AUH: variants seen among roughly 807,000 people sequenced by gnomAD.
The protein encoded by AUH is methylglutaconyl-CoA hydratase, mitochondrial.
A neutral mutation model predicts 42.3 loss-of-function variants in AUH; 29 were observed. The ratio of observed to expected loss-of-function variants is 0.69; its 90% confidence interval spans 0.51 to 0.93. AUH has a LOEUF of 0.93. AUH is among the 40% of genes least tolerant of loss of function. The pLI is 0.00. For missense variants in AUH, 452 were observed against 438.1 expected (o/e 1.03, Z -0.28); for synonymous variants, 174 against 166.4 (o/e 1.05, Z -0.35).
intron 6 of AUH, among the ~76,000 whole-genome samples, chr9:91,257,747 C>G (rs535566629): frequency 5.3e-5 from 8 of 152,284 alleles, no homozygotes; most frequent in African/African-American, 1.9e-4. Flanking sequence ...CAACTTTGCT[C>G]TTTGCATTTC....
intron 8 of AUH, 81 bp from the exon 9 acceptor site, chr9:91,216,187 A>G (rs752692421): frequency 2.2e-6 from 3 of 1,343,738 alleles, no homozygotes; most frequent in Non-Finnish European, 3.2e-6. Context: ...AAATTGAATA[A>G]CCTTATCCCC....
chr9:91,333,845 T>G lies in AUH; in HGVS notation c.419-8441A>C, dbSNP rs553857464. Among the ~76,000 whole-genome samples the G allele has an allele frequency of 1.1e-4, 16 of 152,356 alleles. No homozygotes were observed. The East Asian group carries it at 2.9e-3, about 28-fold the overall frequency. On this transcript the variant is annotated intron_variant, in intron 3 of 9. Transcript: ENST00000375731. ...AGAATAAGAATCTCAGCTGAAATTC[T>G]CAACATTAATATTTTAAAGGCCTCT...
chr9:91,235,513 A>T (rs1828127909), intron 6 of AUH, among the ~76,000 whole-genome samples: 1 of 152,200 alleles, frequency 6.6e-6, no homozygotes, highest in Non-Finnish European at 1.5e-5. Flanking sequence ...TGGAGCAGTC[A>T]TGTGTGAGAC....
At chr9:91,345,156 G>A (rs1156805407) in intron 3 of AUH, among the ~76,000 whole-genome samples, 1 of 151,802 alleles carries the variant, frequency 6.6e-6, no homozygotes, top group Non-Finnish European at 1.5e-5. Flanking sequence ...AGACAAAGAC[G>A]AACACTCACA....
At chr9:91,306,706 T>G in intron 4 of AUH, among the ~76,000 whole-genome samples, 1 of 152,228 alleles carries the variant, frequency 6.6e-6, no homozygotes, top group East Asian at 1.9e-4. Context: ...TGAGGAGCTC[T>G]GGATACTTAA....
rs140061474 is a variant in AUH, at chr9:91,355,764, G to C, written c.418+119C>G. Reference sequence around the variant, plus strand: ...TTTTCTTGTGAATCAGTAAAACACAGACAAAGAGGAGTTGTTGGTAATGGG... The same window carrying C: ...TTTTCTTGTGAATCAGTAAAACACACACAAAGAGGAGTTGTTGGTAATGGG... On this transcript the variant is annotated intron_variant, in intron 3 of 9. Coordinates refer to ENST00000375731, the MANE Select transcript of AUH (RefSeq NM_001698.3). 1.8e-4 allele frequency: 158 copies of C among 854,264 alleles called. 1 individual carries two copies. The East Asian group carries it at 3.9e-3, about 21-fold the overall frequency. 52.9% of individuals were successfully genotyped at this position (854,264 alleles called of 1,614,324 possible).
chr9:91,353,091 T>C (rs1587923751), intron 3 of AUH, among the ~76,000 whole-genome samples: 1 of 151,794 alleles, frequency 6.6e-6, no homozygotes, highest in Admixed American at 6.6e-5. Context: ...GTTTTTGAGG[T>C]TTCTTTTTTT....
chr9:91,335,010 G>C (rs77072495), intron 3 of AUH, among the ~76,000 whole-genome samples: 95 of 152,278 alleles, frequency 6.2e-4, no homozygotes, highest in African/African-American at 2.1e-3. Flanking sequence ...TCTCCAACTA[G>C]GACCAGGAAA....
chr9:91,225,545 TTTATTA>T (rs530836913), intron 6 of AUH, among the ~76,000 whole-genome samples: 3 of 151,582 alleles, frequency 2.0e-5, no homozygotes, highest in Admixed American at 6.6e-5. Context: ...GTTCTTTTTT[TTTATTA>T]TTATTATTAT....
At chr9:91,274,379 T>A (rs1825387211) in intron 6 of AUH, among the ~76,000 whole-genome samples, 2 of 152,208 alleles carry the variant, frequency 1.3e-5, no homozygotes, top group African/African-American at 4.8e-5. Flanking sequence ...AATGACCTCA[T>A]CAGCACTAGC....
chr9:91,270,632 C>A (rs1279364025), intron 6 of AUH, among the ~76,000 whole-genome samples: 1 of 151,984 alleles, frequency 6.6e-6, no homozygotes, highest in Non-Finnish European at 1.5e-5. Flanking sequence ...ACACCTTCTG[C>A]TTGTGCTGCA....
At chr9:91,228,915 G>T (rs1371915763) in intron 6 of AUH, among the ~76,000 whole-genome samples, 1 of 152,226 alleles carries the variant, frequency 6.6e-6, no homozygotes, top group Non-Finnish European at 1.5e-5. Flanking sequence ...TGTGGTCTGA[G>T]AGACAGTTTG....
At chr9:91,356,277 T>G in intron 1 of AUH, 122 bp from the exon 2 acceptor site, 2 of 790,964 alleles carry the variant, frequency 2.5e-6, no homozygotes, top group Non-Finnish European at 2.1e-6. Flanking sequence ...TGACATCACG[T>G]TCCCTTCAAT....
intron 6 of AUH, among the ~76,000 whole-genome samples, chr9:91,292,359 A>G: frequency 6.7e-6 from 1 of 148,252 alleles, no homozygotes; most frequent in African/African-American, 2.5e-5. Flanking sequence ...GCTCACTGCA[A>G]TTTCCACCAT....
chr9:91,322,868 CGCA>C (rs1352620205), intron 4 of AUH, among the ~76,000 whole-genome samples: 3 of 152,238 alleles, frequency 2.0e-5, no homozygotes, highest in South Asian at 4.2e-4. Flanking sequence ...GTATGGCCAC[CGCA>C]GCATTAGTAA....
At chr9:91,270,325 G>A (rs1825012717) in intron 6 of AUH, among the ~76,000 whole-genome samples, 1 of 152,146 alleles carries the variant, frequency 6.6e-6, no homozygotes, top group Non-Finnish European at 1.5e-5. Context: ...AAGAGCCCCA[G>A]GCTGCAGAAA....
intron 6 of AUH, among the ~76,000 whole-genome samples, chr9:91,234,377 A>G (rs1828059424): frequency 6.6e-6 from 1 of 152,190 alleles, no homozygotes; most frequent in Admixed American, 6.5e-5. Context: ...CAGACCTGCC[A>G]TGGTATAGAC....
chr9:91,288,659 A>G (rs1826611842), intron 6 of AUH, among the ~76,000 whole-genome samples: 1 of 152,308 alleles, frequency 6.6e-6, no homozygotes, highest in East Asian at 1.9e-4. Context: ...ATTACATCCC[A>G]TCTTTTAATT....
Position 91,214,561 on chromosome 9 carries a change from A to C in AUH, c.943-136T>G, listed in dbSNP as rs535921035. On this transcript the variant is annotated intron_variant, in intron 9 of 9. Coordinates refer to ENST00000375731, the MANE Select transcript of AUH (RefSeq NM_001698.3). Reference sequence around the variant, plus strand: ...AGTCACCTGAACAATTCTCCTAATTATGTAACCAAACTCATCCTTCTTACT... The same window carrying C: ...AGTCACCTGAACAATTCTCCTAATTCTGTAACCAAACTCATCCTTCTTACT... 126 of 705,738 alleles carry C rather than the reference A, an allele frequency of 1.8e-4. 1 individual carries two copies. In the South Asian group the frequency reaches 2.2e-3, roughly 12 times the overall value. 43.7% of individuals were successfully genotyped at this position (705,738 alleles called of 1,614,324 possible).
Sources: allele counts gnomAD v4.1 joint callset (sites outside exome capture counted in the v4.1 genomes callset), GRCh38; gene constraint gnomAD v4.1.1; transcripts MANE v1.5; gene names NCBI Gene and HGNC (gene_info 2026-07-23, HGNC 2026-07-21).